The following NME7 variants were observed in gnomAD, a reference collection of about 807,000 sequenced individuals.
NME7 encodes NME/NM23 family member 7.
In NME7, 41 loss-of-function variants were observed where a neutral mutation model predicts 49.1. That is an observed-to-expected ratio of 0.83 (90% CI 0.65 to 1.08). NME7 has a LOEUF of 1.08. Among genes scored for constraint, NME7 ranks in the 50% least tolerant of loss-of-function variants. The probability of loss-of-function intolerance (pLI) is 0.00; values close to 1 mark genes in which losing one functional copy is unlikely to be tolerated. For synonymous variants in NME7, 139 were observed against 150.6 expected (o/e 0.92, Z 0.56); for missense variants, 423 against 463.4 (o/e 0.91, Z 0.80).
intron 3 of NME7, among the ~76,000 whole-genome samples, chr1:169,311,046 G>A (rs1651360760): frequency 6.6e-6 from 1 of 152,084 alleles, no homozygotes; most frequent in South Asian, 2.1e-4. Flanking sequence ...TTAATTCAAG[G>A]AATCCATAAA....
chr1:169,164,554 G>A (rs1369933723), intron 11 of NME7, among the ~76,000 whole-genome samples: 1 of 152,176 alleles, frequency 6.6e-6, no homozygotes, highest in African/African-American at 2.4e-5. Context: ...TTGCCCAGGA[G>A]TACAGAGCTA....
Position 169,279,433 on chromosome 1 carries a change from G to A in NME7, c.754+7870C>T, listed in dbSNP as rs190587388. ...CAGCCTTGCTGCCAACTTGCAGTTTGATCTCACACTGCTGTGCTAGCAATC... is the reference window on the plus strand; with the variant it reads ...CAGCCTTGCTGCCAACTTGCAGTTTAATCTCACACTGCTGTGCTAGCAATC... On this transcript the variant is annotated intron_variant, in intron 7 of 11. Coordinates refer to ENST00000367811, the MANE Select transcript of NME7 (RefSeq NM_013330.5). Among the ~76,000 whole-genome samples the A allele has an allele frequency of 3.5e-3, 532 of 152,314 alleles. 4 individuals are homozygous for A. The highest frequency in any genetic ancestry group is 0.012 in the African/African-American group (508 of 41,578).
intron 7 of NME7, 76 bp downstream of exon 7, chr1:169,287,227 T>C (rs768881316): frequency 1.2e-5 from 14 of 1,151,032 alleles, no homozygotes; most frequent in Non-Finnish European, 1.4e-5. Flanking sequence ...TTATTTTCTA[T>C]ACATAAAGTA....
intron 3 of NME7, among the ~76,000 whole-genome samples, chr1:169,316,063 CAATGAAGA>C (rs1291470632): frequency 6.6e-6 from 1 of 151,424 alleles, no homozygotes; most frequent in Admixed American, 6.6e-5. Flanking sequence ...GGGTAGTTTA[CAATGAAGA>C]AATGAAGAAT....
At chr1:169,325,496 G>A (rs1288410683) in intron 1 of NME7, among the ~76,000 whole-genome samples, 2 of 152,002 alleles carry the variant, frequency 1.3e-5, no homozygotes, top group African/African-American at 4.8e-5. Context: ...ATAAGTCAAA[G>A]ATGGGTCCTT....
At chr1:169,180,873 C>T (rs1455060012) in intron 10 of NME7, among the ~76,000 whole-genome samples, 1 of 152,036 alleles carries the variant, frequency 6.6e-6, no homozygotes, top group Non-Finnish European at 1.5e-5. Flanking sequence ...TCAGTTAGAA[C>T]CAGCCATGTT....
chr1:169,301,064 C>T (rs1041797343), intron 5 of NME7, among the ~76,000 whole-genome samples: 15 of 151,944 alleles, frequency 9.9e-5, no homozygotes, highest in African/African-American at 3.4e-4. Context: ...GTAATGGCAA[C>T]GAAAACAAAA....
chr1:169,189,933 T>C (rs1014236515), intron 10 of NME7, among the ~76,000 whole-genome samples: 2 of 152,174 alleles, frequency 1.3e-5, no homozygotes. Context: ...AGTAGCTCTT[T>C]TGTATATTAA....
intron 7 of NME7, among the ~76,000 whole-genome samples, chr1:169,245,615 A>G (rs1648281259): frequency 6.6e-6 from 1 of 152,266 alleles, no homozygotes; most frequent in Non-Finnish European, 1.5e-5. Flanking sequence ...TAAAATAGAC[A>G]TGTTTAATAT....
At position 169,270,013 on chromosome 1, in the gene NME7, C is replaced by T. The variant is rs1379824703; in HGVS notation, c.754+17290G>A. On this transcript the variant is annotated intron_variant, in intron 7 of 11. Coordinates refer to ENST00000367811, the MANE Select transcript of NME7 (RefSeq NM_013330.5). Reference sequence around the variant, plus strand: ...TTCAAACCCCTGGCCTCAAGCAATCCTCCTACCTCGGCCTCCTAGAGTACT... The same window carrying T: ...TTCAAACCCCTGGCCTCAAGCAATCTTCCTACCTCGGCCTCCTAGAGTACT... 2.2e-5 allele frequency among the ~76,000 whole-genome samples: 3 copies of T among 133,380 alleles called. 1 individual carries two copies. The highest frequency in any genetic ancestry group is 7.6e-5 in the African/African-American group (3 of 39,380). The allele number at this position is 133,380 out of a possible 152,430, so 87.5% of individuals were successfully genotyped here. A position where few individuals can be genotyped will look rare whatever the true frequency, so the allele number is the denominator to read the frequency against.
chr1:169,179,081 A>G (rs1275009064), intron 10 of NME7, among the ~76,000 whole-genome samples: 2 of 152,130 alleles, frequency 1.3e-5, no homozygotes, highest in African/African-American at 4.8e-5. Flanking sequence ...TCGGCCTCCC[A>G]AGGTGCTGGG....
chr1:169,331,558 T>C (rs1378632828), intron 1 of NME7, among the ~76,000 whole-genome samples: 1 of 152,180 alleles, frequency 6.6e-6, no homozygotes, highest in African/African-American at 2.4e-5. Context: ...TGATATGATT[T>C]TATATTTGGA....
In NME7 at chr1:169,272,467, G is replaced by A. The variant is rs376154954; in HGVS notation, c.754+14836C>T. Reference sequence around the variant, plus strand: ...CTCCCCCCGCCCCCCATGACAGGCCGCAGCGTGTGTTGTTCCCTGACCATG... The same window carrying A: ...CTCCCCCCGCCCCCCATGACAGGCCACAGCGTGTGTTGTTCCCTGACCATG... On this transcript the variant is annotated intron_variant, in intron 7 of 11. Coordinates refer to ENST00000367811, the MANE Select transcript of NME7 (RefSeq NM_013330.5). Among the ~76,000 whole-genome samples the A allele has an allele frequency of 2.5e-4, 18 of 71,696 alleles. 3 individuals carry two copies. Among genetic ancestry groups the A allele is most frequent in the African/African-American group, 8.3e-4 (17 of 20,584 alleles). The allele number at this position is 71,696 out of a possible 152,430, so 47.0% of individuals were successfully genotyped here. A position where few individuals can be genotyped will look rare whatever the true frequency, so the allele number is the denominator to read the frequency against.
chr1:169,224,405 G>C (rs370864749), intron 10 of NME7, among the ~76,000 whole-genome samples: 3 of 152,256 alleles, frequency 2.0e-5, no homozygotes, highest in Admixed American at 6.5e-5. Flanking sequence ...GTCTTTCCAA[G>C]TCTGAACCTT....
Position 169,256,919 on chromosome 1 carries a change from A to T in NME7, c.755-19232T>A, listed in dbSNP as rs1334132213. On this transcript the variant is annotated intron_variant, in intron 7 of 11. Transcript: ENST00000367811. The stretch of plus-strand genomic sequence containing the variant: ...ACCCACTTGAGGAGGCAGTCTGCCC[A>T]TTCTCAGATCTCCAGCTGCATGCTG... Among the ~76,000 whole-genome samples, 2 of 130,202 alleles carry T rather than the reference A, an allele frequency of 1.5e-5. 1 individual carries two copies. Among genetic ancestry groups the T allele is most frequent in the Non-Finnish European group, 3.6e-5 (2 of 55,592 alleles). The allele number at this position is 130,202 out of a possible 152,430, so 85.4% of individuals were successfully genotyped here. A position where few individuals can be genotyped will look rare whatever the true frequency, so the allele number is the denominator to read the frequency against.
At chr1:169,266,982 C>T (rs1363268473) in intron 7 of NME7, among the ~76,000 whole-genome samples, 1 of 132,748 alleles carries the variant, frequency 7.5e-6, no homozygotes, top group African/African-American at 2.5e-5. Context: ...GCACAAGAAT[C>T]GCTTGAACCT....
In NME7 at chr1:169,323,268, G is replaced by A; in HGVS notation, c.127C>T (p.His43Tyr). The A allele has an allele frequency of 1.3e-6, 2 of 1,596,506 alleles. No individual in the cohort carries two copies. The highest frequency in any genetic ancestry group is 1.7e-6 in the Non-Finnish European group (2 of 1,172,806). The change falls in exon 3 of 12, where the codon CAT becomes TAT. Residue 43 changes from histidine (H) to tyrosine (Y), a missense_variant. Coordinates refer to ENST00000367811, the MANE Select transcript of NME7 (RefSeq NM_013330.5). ...GSVEMHDVKN[H>Y]RTFLKRTKYD... ...TTGGTCCGCTTTAAAAAGGTGCGATGATTCTTTACATCATGCTAGAACCAG... is the reference window on the plus strand; with the variant it reads ...TTGGTCCGCTTTAAAAAGGTGCGATAATTCTTTACATCATGCTAGAACCAG...
chr1:169,158,321 T>C (rs970309773), intron 11 of NME7, among the ~76,000 whole-genome samples: 6 of 152,238 alleles, frequency 3.9e-5, no homozygotes, highest in African/African-American at 7.2e-5. Flanking sequence ...ATTATAACAA[T>C]ATACTGTAAT....
chr1:169,292,316 A>G (rs1333821013), intron 6 of NME7, among the ~76,000 whole-genome samples: 1 of 152,200 alleles, frequency 6.6e-6, no homozygotes, highest in Non-Finnish European at 1.5e-5. Flanking sequence ...ACATTAAAGA[A>G]CAACTGATAC....
Sources: allele counts gnomAD v4.1 joint callset (sites outside exome capture counted in the v4.1 genomes callset), GRCh38; gene constraint gnomAD v4.1.1; transcripts MANE v1.5; gene names NCBI Gene and HGNC (gene_info 2026-07-23, HGNC 2026-07-21).